KCTD1: variants seen among roughly 807,000 people sequenced by gnomAD.
KCTD1 encodes the protein BTB/POZ domain-containing protein KCTD1.
Under a neutral mutation model 66.0 loss-of-function variants are expected in KCTD1, and 24 were observed. The observed-to-expected ratio is 0.36, with a 90% CI of 0.26 to 0.51. KCTD1 has a LOEUF of 0.51. Ranked by LOEUF, KCTD1 falls within the 20% of genes least tolerant of loss-of-function variation. KCTD1 has a pLI of 0.95. For missense variants in KCTD1, 943 were observed against 1,205.2 expected (o/e 0.78, Z 3.22); for synonymous variants, 511 against 517.2 (o/e 0.99, Z 0.16).
chr18:26,631,678 A>T (rs1987620585), upstream of KCTD1, among the ~76,000 whole-genome samples: 3 of 152,194 alleles, frequency 2.0e-5, no homozygotes, highest in African/African-American at 7.2e-5. Flanking sequence ...TCTAACAAAA[A>T]TATTACTATA....
At chr18:26,460,631 T>C (rs879816072) in intron 3 of KCTD1, among the ~76,000 whole-genome samples, 2 of 152,182 alleles carry the variant, frequency 1.3e-5, no homozygotes, top group Non-Finnish European at 2.9e-5. Flanking sequence ...GTCAGAGACA[T>C]AAACAACTTT....
upstream of KCTD1, chr18:26,549,567 C>A (rs1413765220): frequency 4.1e-6 from 3 of 728,584 alleles, no homozygotes; most frequent in Non-Finnish European, 5.0e-6. Flanking sequence ...GCCCTCCCTG[C>A]CCCTGAGCAA....
intron 2 of KCTD1, among the ~76,000 whole-genome samples, chr18:26,485,165 A>G (rs1364182096): frequency 2.0e-5 from 3 of 152,210 alleles, no homozygotes; most frequent in African/African-American, 7.2e-5. Context: ...GAATAAGTGG[A>G]TATCTAATAA....
chr18:26,517,658 CAAAA>C (rs968619785), intron 1 of KCTD1, among the ~76,000 whole-genome samples: 3 of 53,398 alleles, frequency 5.6e-5, no homozygotes, highest in African/African-American at 8.6e-5. Flanking sequence ...ACTCCGTCTC[CAAAA>C]AAAAAAAAAA....
chr18:26,559,070 T>TAG (rs1985781343), intron 1 of KCTD1, among the ~76,000 whole-genome samples: 1 of 151,710 alleles, frequency 6.6e-6, no homozygotes, highest in South Asian at 2.1e-4. Context: ...TCACTGGAGA[T>TAG]AGAGAGTAGA....
chr18:26,533,226 T>G (rs1417077741), intron 1 of KCTD1, among the ~76,000 whole-genome samples: 1 of 152,244 alleles, frequency 6.6e-6, no homozygotes, highest in Non-Finnish European at 1.5e-5. Context: ...GGTAATAATC[T>G]AACTGCGATT....
At chr18:26,517,582 A>C (rs901405420) in intron 1 of KCTD1, among the ~76,000 whole-genome samples, 1 of 144,928 alleles carries the variant, frequency 6.9e-6, no homozygotes, top group Non-Finnish European at 1.5e-5. Flanking sequence ...GCTTGAACCC[A>C]GGAGGCGGAG....
chr18:26,480,692 G>A (rs1217576203), intron 2 of KCTD1, among the ~76,000 whole-genome samples: 1 of 152,126 alleles, frequency 6.6e-6, no homozygotes, highest in Non-Finnish European at 1.5e-5. Flanking sequence ...GCCTGAACCC[G>A]GGAGATGGAG....
At position 26,476,466 on chromosome 18, in the gene KCTD1, A is replaced by G. The variant is rs746351280; in HGVS notation, c.2133+49T>C. ...CTAGAAATATTTTTTTGGAGCACAT[A>G]AAAAAATCACATATTTATGCTATTG... On this transcript the variant is annotated intron_variant, in intron 3 of 4. Coordinates refer to ENST00000580059, the MANE Select transcript of KCTD1 (RefSeq NM_001142730.3). The surrounding 1 kb of genome is among the most constrained non-coding windows in gnomAD (Gnocchi z 4.9). 3 of 1,544,828 alleles carry G rather than the reference A, an allele frequency of 1.9e-6. No homozygotes were observed. The highest frequency in any genetic ancestry group is 2.1e-5 in the Admixed American group (1 of 47,590).
At chr18:26,641,349 T>C (rs953699261), upstream of KCTD1, among the ~76,000 whole-genome samples, 2 of 152,156 alleles carry the variant, frequency 1.3e-5, no homozygotes, top group African/African-American at 4.8e-5. Context: ...GAGTGTAATA[T>C]TTTACTTGTA....
chr18:26,599,442 G>A, intron 1 of KCTD1: 2 of 1,611,914 alleles, frequency 1.2e-6, no homozygotes, highest in Non-Finnish European at 1.7e-6. Context: ...CCAGTTTGTG[G>A]CAGTGGTCTG....
chr18:26,457,084 G>GTAAA (rs1413122326), intron 4 of KCTD1: 1 of 150,338 alleles, frequency 6.7e-6, no homozygotes. Context: ...TTGCAAAACA[G>GTAAA]CTTACTAGAT....
At chr18:26,563,702 G>A (rs1428544065) in intron 1 of KCTD1, among the ~76,000 whole-genome samples, 2 of 152,140 alleles carry the variant, frequency 1.3e-5, no homozygotes, top group Admixed American at 6.5e-5. Context: ...TGTGATCTTG[G>A]GCAAAATCTT....
intron 1 of KCTD1, among the ~76,000 whole-genome samples, chr18:26,656,547 G>A (rs1037343939): frequency 2.7e-5 from 4 of 150,240 alleles, no homozygotes; most frequent in Admixed American, 6.6e-5. Flanking sequence ...GGCCGGCGAC[G>A]AAGAGCGCCG....
chr18:26,500,502 C>G (rs1982704197), intron 2 of KCTD1, among the ~76,000 whole-genome samples: 1 of 152,132 alleles, frequency 6.6e-6, no homozygotes, highest in African/African-American at 2.4e-5. Flanking sequence ...ATACTGCCTA[C>G]TTGTAAATCA....
chr18:26,655,891 A>T (rs1253033742), intron 1 of KCTD1: 2 of 151,960 alleles, frequency 1.3e-5, no homozygotes, highest in Non-Finnish European at 2.9e-5. Flanking sequence ...TTGGGGCTCG[A>T]CCTCACTTTT....
chr18:26,528,501 C>T (rs1984277662), intron 1 of KCTD1, among the ~76,000 whole-genome samples: 1 of 152,210 alleles, frequency 6.6e-6, no homozygotes, highest in South Asian at 2.1e-4. Flanking sequence ...GGTCCTCTCT[C>T]TTTTTAAAAA....
At chr18:26,560,566 C>G (rs1985823389) in intron 1 of KCTD1, among the ~76,000 whole-genome samples, 1 of 152,166 alleles carries the variant, frequency 6.6e-6, no homozygotes, top group Non-Finnish European at 1.5e-5. Flanking sequence ...TAATGTGCAA[C>G]TAAGATTGGG....
upstream of KCTD1, among the ~76,000 whole-genome samples, chr18:26,645,284 C>T (rs1474057456): frequency 1.3e-5 from 2 of 151,922 alleles, no homozygotes; most frequent in Non-Finnish European, 1.5e-5. Context: ...AGTGAGACCC[C>T]ATCTCAAAAA....
Sources: gnomAD v4.1 joint callset for allele counts (sites outside exome capture counted in the v4.1 genomes callset) on GRCh38, gnomAD v4.1.1 for gene constraint, Gnocchi (gnomAD v3.1) non-coding constraint, MANE v1.5 for transcripts, NCBI Gene and HGNC (gene_info 2026-07-23, HGNC 2026-07-21) for gene names.